Variants in L3MBTL4 observed in about 807,000 individuals in gnomAD.
L3MBTL4 encodes the protein lethal(3)malignant brain tumor-like protein 4.
A neutral mutation model predicts 84.5 loss-of-function variants in L3MBTL4; 70 were observed. That is an observed-to-expected ratio of 0.83 (90% CI 0.68 to 1.01). L3MBTL4 has a LOEUF of 1.01. Ranked by LOEUF, L3MBTL4 falls within the 50% of genes least tolerant of loss-of-function variation. L3MBTL4 has a pLI of 0.00. For synonymous variants in L3MBTL4, 274 were observed against 259.8 expected, an observed-to-expected ratio of 1.05 and a Z score of -0.52; for missense variants, 715 against 754.8, an observed-to-expected ratio of 0.95 and a Z score of 0.62.
intron 13 of L3MBTL4, among the ~76,000 whole-genome samples, chr18:6,163,031 G>A (rs1299134061): frequency 6.6e-6 from 1 of 152,062 alleles, no homozygotes; most frequent in Non-Finnish European, 1.5e-5. Flanking sequence ...GGAAAACGAG[G>A]TGAGTTTGGG....
intron 1 of L3MBTL4, among the ~76,000 whole-genome samples, chr18:6,339,323 A>T (rs1038461624): frequency 1.6e-4 from 25 of 152,272 alleles, no homozygotes; most frequent in Admixed American, 4.6e-4. Context: ...AATGTAATCA[A>T]GCAAGAAATC....
chr18:6,140,062 C>A (rs945258299), intron 13 of L3MBTL4, among the ~76,000 whole-genome samples: 1 of 152,168 alleles, frequency 6.6e-6, no homozygotes, highest in Non-Finnish European at 1.5e-5. Flanking sequence ...GCCACACAAA[C>A]AAAACCCTCT....
intron 1 of L3MBTL4, among the ~76,000 whole-genome samples, chr18:6,338,726 C>G (rs2052462170): frequency 6.6e-6 from 1 of 151,820 alleles, no homozygotes; most frequent in Admixed American, 6.6e-5. Context: ...GAAACCTAAA[C>G]AGTAAACTTG....
chr18:6,239,116 C>A (rs1374327919), intron 9 of L3MBTL4, among the ~76,000 whole-genome samples: 3 of 151,792 alleles, frequency 2.0e-5, no homozygotes, highest in African/African-American at 7.3e-5. Flanking sequence ...CCGAGGCGGG[C>A]GGATCACGAG....
intron 1 of L3MBTL4, among the ~76,000 whole-genome samples, chr18:6,372,882 T>C (rs2054213781): frequency 6.6e-6 from 1 of 152,226 alleles, no homozygotes; most frequent in East Asian, 1.9e-4. Context: ...CCCACCATAA[T>C]TATATTTTGC....
chr18:6,360,620 A>G (rs557401259), intron 1 of L3MBTL4, among the ~76,000 whole-genome samples: 71 of 152,316 alleles, frequency 4.7e-4, no homozygotes, highest in African/African-American at 1.7e-3. Flanking sequence ...ATCAAATCAT[A>G]ATCCCCAATG....
chr18:6,324,134 C>T (rs1461876874), intron 1 of L3MBTL4, among the ~76,000 whole-genome samples: 2 of 152,278 alleles, frequency 1.3e-5, no homozygotes, highest in African/African-American at 2.4e-5. Context: ...GGTGTTAAGC[C>T]CACAGGTGCA....
intron 18 of L3MBTL4, among the ~76,000 whole-genome samples, chr18:5,959,807 C>T (rs12458152): frequency 0.37 from 56,066 of 151,722 alleles, 10,647 homozygotes; most frequent in East Asian, 0.49. Flanking sequence ...GCTGTATGCA[C>T]CAAGCACCAT....
intron 4 of L3MBTL4, among the ~76,000 whole-genome samples, chr18:6,286,393 G>A (rs948378489): frequency 6.6e-6 from 1 of 151,766 alleles, no homozygotes; most frequent in Admixed American, 6.6e-5. Flanking sequence ...GAACCCAGGA[G>A]GCAGAGGTTG....
At chr18:6,140,612 A>G (rs2060168485) in intron 13 of L3MBTL4, among the ~76,000 whole-genome samples, 1 of 151,932 alleles carries the variant, frequency 6.6e-6, no homozygotes, top group African/African-American at 2.4e-5. Context: ...TGTGGGACGC[A>G]CTTTCCCCTC....
intron 12 of L3MBTL4, among the ~76,000 whole-genome samples, chr18:6,188,045 T>C (rs1160754204): frequency 6.6e-6 from 1 of 151,932 alleles, no homozygotes; most frequent in Non-Finnish European, 1.5e-5. Context: ...CTATGTCCAG[T>C]ATTTCAGCAC....
chr18:6,323,865 G>C (rs937693039), intron 1 of L3MBTL4, among the ~76,000 whole-genome samples: 3 of 152,210 alleles, frequency 2.0e-5, no homozygotes, highest in Non-Finnish European at 4.4e-5. Flanking sequence ...GATCCTAATA[G>C]CTAAGACAAT....
intron 18 of L3MBTL4, among the ~76,000 whole-genome samples, chr18:5,958,737 C>T (rs182020946): frequency 6.3e-4 from 96 of 152,188 alleles, no homozygotes; most frequent in African/African-American, 2.0e-3. Context: ...GAACAGGGCT[C>T]GGTGCTTCAA....
At chr18:5,982,167 G>A (rs369751969) in intron 16 of L3MBTL4, among the ~76,000 whole-genome samples, 1 of 152,192 alleles carries the variant, frequency 6.6e-6, no homozygotes, top group South Asian at 2.1e-4. Flanking sequence ...CCTATTTAAA[G>A]AGAGTCCTGC....
intron 4 of L3MBTL4, among the ~76,000 whole-genome samples, chr18:6,274,402 A>G (rs1209884403): frequency 4.6e-5 from 7 of 152,224 alleles, no homozygotes; most frequent in African/African-American, 1.7e-4. Context: ...GGATAGCCTC[A>G]GAATTCCGAC....
At chr18:6,050,171 G>A (rs543004299) in intron 16 of L3MBTL4, among the ~76,000 whole-genome samples, 1 of 152,288 alleles carries the variant, frequency 6.6e-6, no homozygotes, top group Admixed American at 6.5e-5. Context: ...TAGTGACAAT[G>A]CGACATGGGA....
intron 1 of L3MBTL4, among the ~76,000 whole-genome samples, chr18:6,371,419 G>A (rs895688904): frequency 6.6e-5 from 10 of 152,194 alleles, no homozygotes; most frequent in Non-Finnish European, 4.4e-5. Flanking sequence ...CCTGCGGGGA[G>A]AGCCTCTCAG....
At chr18:5,988,813 G>A (rs1431888601) in intron 16 of L3MBTL4, among the ~76,000 whole-genome samples, 1 of 152,206 alleles carries the variant, frequency 6.6e-6, no homozygotes, top group East Asian at 1.9e-4. Flanking sequence ...GTTTCTAGGG[G>A]TGTGGATGGA....
chr18:6,038,271 T>TTTTTTG (rs1491440656), intron 16 of L3MBTL4, among the ~76,000 whole-genome samples: 2 of 111,432 alleles, frequency 1.8e-5, no homozygotes, highest in Admixed American at 9.0e-5. Context: ...TTTTTTTTTT[T>TTTTTTG]GAGACAGAGT....
Sources: allele counts gnomAD v4.1 joint callset (sites outside exome capture counted in the v4.1 genomes callset), GRCh38; gene constraint gnomAD v4.1.1; transcripts MANE v1.5; gene names NCBI Gene and HGNC (gene_info 2026-07-23, HGNC 2026-07-21).